The following MYO5B variants were observed in gnomAD, a reference collection of about 807,000 sequenced individuals.
MYO5B encodes unconventional myosin-Vb.
Under a neutral mutation model 229.3 loss-of-function variants are expected in MYO5B, and 143 were observed. The ratio of observed to expected loss-of-function variants is 0.62; its 90% confidence interval spans 0.54 to 0.72. The LOEUF is 0.72. Among genes scored for constraint, MYO5B ranks in the 30% least tolerant of loss-of-function variants. MYO5B has a pLI of 0.00. For missense variants in MYO5B, 2,321 were observed against 2,331.0 expected (o/e 1.00, Z 0.09); for synonymous variants, 918 against 885.2 (o/e 1.04, Z -0.66).
intron 1 of MYO5B, among the ~76,000 whole-genome samples, chr18:50,105,420 A>G (rs1253360376): frequency 1.3e-5 from 2 of 152,046 alleles, no homozygotes; most frequent in African/African-American, 4.8e-5. Flanking sequence ...CAGTGTAGCT[A>G]TGAAGCAATG....
intron 39 of MYO5B, among the ~76,000 whole-genome samples, chr18:49,830,776 T>C (rs2023906792): frequency 7.3e-6 from 1 of 136,104 alleles, no homozygotes; most frequent in Non-Finnish European, 1.5e-5. Flanking sequence ...GAGGTTGCAG[T>C]GAGCCAAGAT....
intron 4 of MYO5B, among the ~76,000 whole-genome samples, chr18:50,011,787 C>T (rs1182474049): frequency 6.6e-6 from 1 of 152,096 alleles, no homozygotes; most frequent in Non-Finnish European, 1.5e-5. Context: ...TTCCCCCTCA[C>T]TGCTGCTGGA....
chr18:50,040,390 A>C (rs2029978202), intron 2 of MYO5B, 76 bp from the exon 3 acceptor site: 3 of 1,340,238 alleles, frequency 2.2e-6, no homozygotes, highest in Non-Finnish European at 3.2e-6. Flanking sequence ...CTGTCTTCTT[A>C]GCTGGAATCA....
rs1054876932 is a variant in MYO5B at position 49,841,535 on chromosome 18, T to G, written c.4612-81A>C. ...TTCCTCGGTACCTCTTTCCCCACAT[T>G]TCCTACCCTTACCTAGTGTTCCTGA... is the stretch of plus-strand genomic sequence containing the variant. On this transcript the variant is annotated intron_variant, in intron 34 of 39. Coordinates refer to ENST00000285039, the MANE Select transcript of MYO5B (RefSeq NM_001080467.3). 5.5e-6 allele frequency: 7 copies of G among 1,279,594 alleles called. No homozygotes were observed. In the African/African-American group the frequency reaches 8.8e-5, roughly 16 times the overall value. 79.3% of individuals were successfully genotyped at this position (1,279,594 alleles called of 1,614,324 possible). A position where few individuals can be genotyped will look rare whatever the true frequency, so the allele number is the denominator to read the frequency against.
intron 17 of MYO5B, 62 bp from the exon 18 acceptor site, chr18:49,912,235 G>A (rs1386708465): frequency 7.9e-7 from 1 of 1,267,766 alleles, no homozygotes; most frequent in South Asian, 1.2e-5. Flanking sequence ...ACAAAAGCCA[G>A]GCGTGACCTC....
At chr18:50,034,211 A>G (rs892358710) in intron 4 of MYO5B, among the ~76,000 whole-genome samples, 1 of 152,352 alleles carries the variant, frequency 6.6e-6, no homozygotes, top group East Asian at 1.9e-4. Context: ...AATTATTTCA[A>G]TGACTACTGA....
chr18:49,857,415 C>A (rs1055606189), intron 29 of MYO5B, among the ~76,000 whole-genome samples: 2 of 152,080 alleles, frequency 1.3e-5, no homozygotes, highest in Non-Finnish European at 2.9e-5. Flanking sequence ...CATGGGAAGC[C>A]CCTGGGGGAC....
At chr18:49,915,539 G>C (rs552833630) in intron 17 of MYO5B, among the ~76,000 whole-genome samples, 3 of 152,222 alleles carry the variant, frequency 2.0e-5, no homozygotes, top group Non-Finnish European at 4.4e-5. Context: ...GGGTTGCTCT[G>C]CCCTTTGCCC....
intron 14 of MYO5B, among the ~76,000 whole-genome samples, chr18:49,938,268 A>G (rs2025273210): frequency 6.6e-6 from 1 of 152,184 alleles, no homozygotes; most frequent in African/African-American, 2.4e-5. Flanking sequence ...AGAGGTTAAT[A>G]TCTTCATCTG....
chr18:49,999,870 G>T (rs751502066), intron 5 of MYO5B, among the ~76,000 whole-genome samples: 1 of 152,178 alleles, frequency 6.6e-6, no homozygotes, highest in African/African-American at 2.4e-5. Context: ...CAATTCTCAG[G>T]CACCCTCAAA....
chr18:50,068,764 G>A lies in MYO5B; in HGVS notation c.28-13386C>T, dbSNP rs546809431. On this transcript the variant is annotated intron_variant, in intron 1 of 39. Coordinates refer to ENST00000285039, the MANE Select transcript of MYO5B (RefSeq NM_001080467.3). Reference sequence around the variant, plus strand: ...TCCCTCAGCATCCAAATAGCAAAACGGCATTGGACAAATCATTCACATTCT... The same window carrying A: ...TCCCTCAGCATCCAAATAGCAAAACAGCATTGGACAAATCATTCACATTCT... Among the ~76,000 whole-genome samples, 44 of 152,240 alleles carry A rather than the reference G, an allele frequency of 2.9e-4. No homozygotes were observed. The South Asian group carries it at 8.5e-3, about 29-fold the overall frequency.
At position 50,104,265 on chromosome 18, in the gene MYO5B, G is replaced by GATATATATAT. The variant is rs3075606; in HGVS notation, c.28-48897_28-48888dup. Among the ~76,000 whole-genome samples, 663 of 134,512 alleles carry GATATATATAT rather than the reference G, an allele frequency of 4.9e-3. 8 individuals are homozygous for GATATATATAT. The highest frequency in any genetic ancestry group is 0.024 in the Admixed American group (316 of 13,246). 88.2% of individuals were successfully genotyped at this position (134,512 alleles called of 152,430 possible). A position where few individuals can be genotyped will look rare whatever the true frequency, so the allele number is the denominator to read the frequency against. ...TTAAGATTCCTGGGGATCTATACAT[G>GATATATATAT]ATATATATATATATATATATATATA... On this transcript the variant is annotated intron_variant, in intron 1 of 39. Transcript: ENST00000285039.
intron 1 of MYO5B, among the ~76,000 whole-genome samples, chr18:50,153,260 A>T (rs1006202378): frequency 6.6e-6 from 1 of 152,198 alleles, no homozygotes; most frequent in Non-Finnish European, 1.5e-5. Flanking sequence ...GATGTCTTCT[A>T]AAAGGCATAA....
intron 10 of MYO5B, among the ~76,000 whole-genome samples, chr18:49,968,136 T>C (rs1425616143): frequency 6.6e-6 from 1 of 152,084 alleles, no homozygotes; most frequent in Non-Finnish European, 1.5e-5. Context: ...GACAGGAAAC[T>C]AGTACATGAG....
chr18:50,043,562 G>A (rs1384304830), intron 2 of MYO5B, among the ~76,000 whole-genome samples: 2 of 117,860 alleles, frequency 1.7e-5, no homozygotes, highest in South Asian at 4.8e-4. Context: ...GTATTTATAA[G>A]TATATATATT....
intron 22 of MYO5B, 22 bp downstream of exon 22, chr18:49,894,919 T>C: frequency 6.2e-7 from 1 of 1,604,762 alleles, no homozygotes; most frequent in Non-Finnish European, 8.5e-7. Flanking sequence ...TGCCAGCGCC[T>C]GCCCCTCTGG....
chr18:50,140,748 A>G (rs1385121058), intron 1 of MYO5B, among the ~76,000 whole-genome samples: 1 of 152,194 alleles, frequency 6.6e-6, no homozygotes, highest in African/African-American at 2.4e-5. Context: ...CACAGTCCAC[A>G]CACCTGGCCT....
rs1271116137 is a variant in MYO5B, at chr18:50,008,332, T to G, written c.456-6921A>C. The stretch of plus-strand genomic sequence containing the variant: ...CCCCACTAGAACCTAAATCCTATGA[T>G]GGTCAATCTCACATACAAGGACTTG... On this transcript the variant is annotated intron_variant, in intron 4 of 39. Coordinates refer to ENST00000285039, the MANE Select transcript of MYO5B (RefSeq NM_001080467.3). Among the ~76,000 whole-genome samples the G allele has an allele frequency of 1.3e-5, 2 of 152,186 alleles. 1 individual carries two copies. Among genetic ancestry groups the G allele is most frequent in the South Asian group, 4.1e-4 (2 of 4,834 alleles).
chr18:49,970,195 A>T (rs1254775425), intron 10 of MYO5B, among the ~76,000 whole-genome samples: 1 of 152,190 alleles, frequency 6.6e-6, no homozygotes, highest in Non-Finnish European at 1.5e-5. Flanking sequence ...GATCTCCCCT[A>T]TTAATTTCCA....
Sources: gnomAD v4.1 joint callset for allele counts (sites outside exome capture counted in the v4.1 genomes callset) on GRCh38, gnomAD v4.1.1 for gene constraint, MANE v1.5 for transcripts, NCBI Gene and HGNC (gene_info 2026-07-23, HGNC 2026-07-21) for gene names.